Variants in SH3TC1 observed in about 807,000 individuals in gnomAD.
The protein encoded by SH3TC1 is SH3 domain and tetratricopeptide repeats 1.
In SH3TC1, 135 loss-of-function variants were observed where a neutral mutation model predicts 117.3. That is an observed-to-expected ratio of 1.15 (90% confidence interval 1.00 to 1.33). The LOEUF is 1.33. Ranked by LOEUF, SH3TC1 falls within the 40% of genes most tolerant of loss-of-function variation. The probability of loss-of-function intolerance (pLI) is 0.00; values close to 1 mark genes in which losing one functional copy is unlikely to be tolerated. For missense variants in SH3TC1, 2,092 were observed against 1,794.3 expected, an observed-to-expected ratio of 1.17 and a Z score of -3.00; for synonymous variants, 898 against 816.9, an observed-to-expected ratio of 1.10 and a Z score of -1.69.
chr4:8,238,887 C>G (rs1722068764), intron 17 of SH3TC1, among the ~76,000 whole-genome samples: 1 of 152,172 alleles, frequency 6.6e-6, no homozygotes, highest in Non-Finnish European at 1.5e-5. Context: ...GCCCTCTGGG[C>G]CTCATGGTGA....
chr4:8,213,522 G>A (rs996186988), intron 4 of SH3TC1, among the ~76,000 whole-genome samples: 2 of 152,178 alleles, frequency 1.3e-5, no homozygotes, highest in Admixed American at 6.5e-5. Flanking sequence ...GCATGATGTC[G>A]GGCACAGGTG....
At chr4:8,238,933 G>A (rs1249565276) in intron 17 of SH3TC1, among the ~76,000 whole-genome samples, 5 of 152,190 alleles carry the variant, frequency 3.3e-5, no homozygotes, top group Admixed American at 2.6e-4. Flanking sequence ...CCCACAGGGA[G>A]GCCCCCTCGG....
chr4:8,189,918 G>T (rs1216451102), intron 1 of SH3TC1, among the ~76,000 whole-genome samples: 3 of 152,186 alleles, frequency 2.0e-5, no homozygotes, highest in Non-Finnish European at 2.9e-5. Flanking sequence ...TGTGGTCAGC[G>T]GGTGGACCAG....
intron 1 of SH3TC1, chr4:8,201,581 C>G (rs1389969799): frequency 6.6e-6 from 1 of 152,402 alleles, no homozygotes; most frequent in Admixed American, 6.5e-5. Flanking sequence ...AACACCTGCC[C>G]GTGGTTGGGG....
intron 5 of SH3TC1, 122 bp downstream of exon 5, chr4:8,214,702 A>T: frequency 1.2e-6 from 1 of 804,256 alleles, no homozygotes; most frequent in Non-Finnish European, 2.0e-6. Flanking sequence ...GTATTGTTTT[A>T]AGACGAAGTC....
At position 8,227,981 on chromosome 4, in the gene SH3TC1, G is replaced by A. The variant is rs778847433; in HGVS notation, c.2287G>A (p.Ala763Thr). The A allele has an allele frequency of 3.3e-5, 53 of 1,612,284 alleles. No individual in the cohort carries two copies. Among genetic ancestry groups the A allele is most frequent in the Non-Finnish European group, 4.3e-5 (51 of 1,179,788 alleles). Residue 763 changes from alanine (A) to threonine (T), a missense_variant, in exon 12 of 18, where the codon GCC (alanine) becomes ACC (threonine). Physicochemically the swap from Ala to Thr is moderately conservative, Grantham distance 58 (BLOSUM62 0). Transcript: ENST00000245105. The part of the protein sequence containing the change: ...QNAPQPHSLP[A>T]QTSHYLRQAL... ...CGCCCCCCAGCCCCACAGCCTCCCTGCCCAAACTTCCCACTACCTCAGGCA... is the reference window on the plus strand; with the variant it reads ...CGCCCCCCAGCCCCACAGCCTCCCTACCCAAACTTCCCACTACCTCAGGCA...
chr4:8,215,972 C>T, intron 5 of SH3TC1, 139 bp from the exon 6 acceptor site: 2 of 1,087,920 alleles, frequency 1.8e-6, no homozygotes, highest in South Asian at 3.3e-5. Flanking sequence ...ACTGTGGGCA[C>T]CCCAGGGCAG....
chr4:8,223,059 C>T (rs1248637604), intron 10 of SH3TC1, 89 bp downstream of exon 10: 86 of 1,495,194 alleles, frequency 5.8e-5, no homozygotes, highest in Non-Finnish European at 7.6e-5. Context: ...ACAGATAGTG[C>T]CAGCCCCTGG....
In SH3TC1 at chr4:8,228,602, G is replaced by T. The variant is rs757610243; in HGVS notation, c.2908G>T (p.Glu970Ter). The stretch of plus-strand genomic sequence containing the variant: ...GGCCCAGCAGGGCAAGGGCTACTAC[G>T]AGTGGGCCCTTCTGGTCGCCGTGGA... ...GPAQQGKGYY[E>*]WALLVAVEMG... is the part of the protein sequence containing the mutation. The change falls in exon 12 of 18, where the codon GAG (glutamate) becomes TAG (stop). Residue 970 changes from glutamate (E) to a stop codon, truncating the protein, a stop_gained. Coordinates refer to ENST00000245105, the MANE Select transcript of SH3TC1 (RefSeq NM_018986.5). LOFTEE classifies it high-confidence loss of function. 6.4e-7 allele frequency: 1 copy of T among 1,552,366 alleles called. No individual in the cohort carries two copies. Among genetic ancestry groups the T allele is most frequent in the Admixed American group, 1.9e-5 (1 of 51,696 alleles).
At chr4:8,235,919 C>A (rs1209278008) in intron 15 of SH3TC1, 3 of 358,488 alleles carry the variant, frequency 8.4e-6, no homozygotes, top group African/African-American at 2.1e-5. Context: ...TCTGCATGCA[C>A]CCCGAAGCGG....
At position 8,228,542 on chromosome 4, in the gene SH3TC1, C is replaced by T; in HGVS notation, c.2848C>T (p.Leu950=). 6.2e-7 allele frequency: 1 copy of T among 1,610,430 alleles called. No individual in the cohort carries two copies. The change falls in exon 12 of 18, where the codon CTG becomes TTG. Residue 950 remains leucine (L), a synonymous_variant. Transcript: ENST00000245105. ...ECGRDFTHVL[L]QLGHLCTRQG... is the part of the protein sequence containing the mutation. ...TGGCCGGGACTTCACCCACGTGCTC[C>T]TGCAGCTGGGCCATCTCTGCACCCG... is the stretch of plus-strand genomic sequence containing the variant.
rs1193931422 is a variant in SH3TC1, at chr4:8,192,242, C to G, written c.-57+10032C>G. ...CTCCTGACCTCAAGTGATCTGCACCCCCCTCGGCCTCCCAAAGTGCTGGGA... is the reference window on the plus strand; with the variant it reads ...CTCCTGACCTCAAGTGATCTGCACCGCCCTCGGCCTCCCAAAGTGCTGGGA... On this transcript the variant is annotated intron_variant, in intron 1 of 16. Coordinates refer to the SH3TC1 transcript ENST00000508641. This position sits in a 1 kb window ranked among gnomAD's most constrained non-coding sequence, Gnocchi z 4.1. Among the ~76,000 whole-genome samples, 1 of 151,832 alleles carries G rather than the reference C, an allele frequency of 6.6e-6. No homozygotes were observed. Among genetic ancestry groups the G allele is most frequent in the Non-Finnish European group, 1.5e-5 (1 of 67,974 alleles).
At position 8,240,930 on chromosome 4, in the gene SH3TC1, G is replaced by T. The variant is rs199521406; in HGVS notation, c.3986G>T (p.Trp1329Leu). Reference sequence around the variant, plus strand: ...CTGCCACTCTGCGGGTGGGCCCCCTGGTTGGCCCCCAGCCACCCTCGCTGA... The same window carrying T: ...CTGCCACTCTGCGGGTGGGCCCCCTTGTTGGCCCCCAGCCACCCTCGCTGA... ...PPLPLCGWAP[W>L]LAPSHPR Residue 1329 changes from tryptophan to leucine, a missense_variant, in exon 18 of 18, where the codon TGG becomes TTG. Transcript: ENST00000245105. 666 of 1,611,710 alleles carry T rather than the reference G, an allele frequency of 4.1e-4. 3 individuals carry two copies. The highest frequency in any genetic ancestry group is 2.4e-3 in the South Asian group (223 of 91,076).
Position 8,210,287 on chromosome 4 carries a change from A to G in SH3TC1, c.247+465A>G, listed in dbSNP as rs997306864. Among the ~76,000 whole-genome samples the G allele has an allele frequency of 1.3e-5, 2 of 152,202 alleles. No homozygotes were observed. The highest frequency in any genetic ancestry group is 4.8e-5 in the African/African-American group (2 of 41,462). On this transcript the variant is annotated intron_variant, in intron 3 of 17. Coordinates refer to ENST00000245105, the MANE Select transcript of SH3TC1 (RefSeq NM_018986.5). This position sits in a 1 kb window ranked among gnomAD's most constrained non-coding sequence, Gnocchi z 4.1. ...AGGAAGCTGCTGGCTGTGAAGGTGT[A>G]AGAAGCCCCTTACCCTGGAGACCCC... is the stretch of plus-strand genomic sequence containing the variant.
chr4:8,205,596 G>A lies in SH3TC1; in HGVS notation c.172+230G>A, dbSNP rs1342402890. On this transcript the variant is annotated intron_variant, in intron 2 of 17. Coordinates refer to ENST00000245105, the MANE Select transcript of SH3TC1 (RefSeq NM_018986.5). This position sits in a 1 kb window ranked among gnomAD's most constrained non-coding sequence, Gnocchi z 5.4. ...AGGGCCCAGCTCGTGTTTTTCCAGG[G>A]ACGCGTCAGTGATAACAAAACTGGC... 1.3e-6 allele frequency: 1 copy of A among 778,980 alleles called. No individual in the cohort carries two copies. Among genetic ancestry groups the A allele is most frequent in the African/African-American group, 1.7e-5 (1 of 59,490 alleles). 48.3% of individuals were successfully genotyped at this position (778,980 alleles called of 1,614,324 possible). A position where few individuals can be genotyped will look rare whatever the true frequency, so the allele number is the denominator to read the frequency against.
At chr4:8,214,774 C>A (rs1418598546) in intron 5 of SH3TC1, among the ~76,000 whole-genome samples, 194 bp downstream of exon 5, 1 of 151,796 alleles carries the variant, frequency 6.6e-6, no homozygotes. Context: ...ACCCCTGCTC[C>A]CCGGGTTCAA....
rs748935183 is a variant in SH3TC1 at position 8,228,307 on chromosome 4, G to A, written c.2613G>A (p.Val871=). ...GCGTGATTGCCAACATGGTGGCCGT[G>A]GCTCTGAAGAGGACGGGCCGGACGA... ...QEGVIANMVA[V]ALKRTGRTRQ... The change falls in exon 12 of 18, where the codon GTG becomes GTA. Residue 871 remains valine, a synonymous_variant. Transcript: ENST00000245105. 2 of 1,612,112 alleles carry A rather than the reference G, an allele frequency of 1.2e-6. No individual in the cohort carries two copies. The highest frequency in any genetic ancestry group is 2.7e-5 in the African/African-American group (2 of 74,950).
chr4:8,214,530 C>T lies in SH3TC1; in HGVS notation c.431C>T (p.Thr144Met), dbSNP rs145711752. 5.4e-5 allele frequency: 87 copies of T among 1,613,962 alleles called. No individual in the cohort carries two copies. The highest frequency in any genetic ancestry group is 3.8e-4 in the South Asian group (35 of 91,066). ...AGTGACCAGGACCGGATCGTGGTGA[C>T]GTTTAAGACTTTTGAAGAAATCTGG... ...IHSDQDRIVV[T>M]FKTFEEIWKF... Residue 144 changes from threonine to methionine, a missense_variant, in exon 5 of 18, where the codon ACG becomes ATG. Coordinates refer to ENST00000245105, the MANE Select transcript of SH3TC1 (RefSeq NM_018986.5).
intron 13 of SH3TC1, chr4:8,232,535 T>A (rs535125590): frequency 1.5e-6 from 2 of 1,370,896 alleles, no homozygotes; most frequent in East Asian, 8.7e-5. Flanking sequence ...CCCTTAAATG[T>A]GACCACAGCA....
Sources: gnomAD v4.1 joint callset for allele counts (sites outside exome capture counted in the v4.1 genomes callset) on GRCh38, gnomAD v4.1.1 for gene constraint, Gnocchi (gnomAD v3.1) non-coding constraint, MANE v1.5 for transcripts, NCBI Gene and HGNC (gene_info 2026-07-23, HGNC 2026-07-21) for gene names.